Variants in KCNC2 observed in about 807,000 individuals in gnomAD.
KCNC2 encodes the protein voltage-gated potassium channel KCNC2.
KCNC2 carries 21 observed loss-of-function variants against 44.5 expected under a neutral mutation model. The observed-to-expected ratio is 0.47, with a 90% CI of 0.33 to 0.68. The LOEUF (loss-of-function observed/expected upper bound fraction) is 0.68. KCNC2 is among the 30% of genes least tolerant of loss of function. The pLI is 0.01. For missense variants in KCNC2, 589 were observed against 826.2 expected (o/e 0.71, Z 3.52); for synonymous variants, 391 against 339.1 (o/e 1.15, Z -1.68).
At chr12:75,201,747 CA>C (rs2031295392) in intron 2 of KCNC2, among the ~76,000 whole-genome samples, 1 of 151,846 alleles carries the variant, frequency 6.6e-6, no homozygotes, top group South Asian at 2.1e-4. Context: ...GGCAAAAAAG[CA>C]GTGCTTTTCT....
chr12:75,102,666 T>C (rs939875277), intron 2 of KCNC2, among the ~76,000 whole-genome samples: 1 of 152,088 alleles, frequency 6.6e-6, no homozygotes, highest in Admixed American at 6.6e-5. Context: ...GCATACGTAA[T>C]TCCTAATCAT....
At chr12:75,069,774 G>C (rs1234754862) in intron 2 of KCNC2, among the ~76,000 whole-genome samples, 1 of 152,176 alleles carries the variant, frequency 6.6e-6, no homozygotes. Flanking sequence ...GATAAGTGAA[G>C]CTTTAATTTG....
intron 2 of KCNC2, among the ~76,000 whole-genome samples, chr12:75,199,380 G>A (rs140058156): frequency 6.6e-6 from 1 of 151,802 alleles, no homozygotes; most frequent in African/African-American, 2.4e-5. Context: ...CAAGATGTTG[G>A]TATCATGATC....
At position 75,051,162 on chromosome 12, in the gene KCNC2, G is replaced by A; in HGVS notation, c.843C>T (p.Ala281=). The change falls in exon 3 of 5, where the codon GCC becomes GCT. Residue 281 remains alanine (A), a synonymous_variant. Coordinates refer to ENST00000549446, the MANE Select transcript of KCNC2 (RefSeq NM_139137.4). ...CACACACTCCTTCTACATACGTCAAGGCAGGATCCGTTTCAATTTCATACT... is the reference window on the plus strand; with the variant it reads ...CACACACTCCTTCTACATACGTCAAAGCAGGATCCGTTTCAATTTCATACT... The part of the protein sequence containing the change: ...VLQYEIETDP[A]LTYVEGVCVV... 6.2e-7 allele frequency: 1 copy of A among 1,613,744 alleles called. No homozygotes were observed.
chr12:75,208,739 G>GAA (rs958425145), intron 1 of KCNC2, among the ~76,000 whole-genome samples: 2 of 149,202 alleles, frequency 1.3e-5, no homozygotes, highest in South Asian at 2.1e-4. Flanking sequence ...AGAAGTCAGA[G>GAA]AAAAAAAAAA....
chr12:75,134,504 A>G lies in KCNC2; in HGVS notation c.687+72793T>C, dbSNP rs563537583. Among the ~76,000 whole-genome samples, 30 of 151,976 alleles carry G rather than the reference A, an allele frequency of 2.0e-4. No homozygotes were observed. In the South Asian group the frequency reaches 2.1e-3, roughly 10 times the overall value. Reference sequence around the variant, plus strand: ...GAAAATAAGCAGAGATATCTTTGTGATAAATTAAATTGATTAAGTGTGTAA... The same window carrying G: ...GAAAATAAGCAGAGATATCTTTGTGGTAAATTAAATTGATTAAGTGTGTAA... On this transcript the variant is annotated intron_variant, in intron 2 of 4. Transcript: ENST00000549446.
chr12:75,074,232 ATT>A (rs5799196), intron 2 of KCNC2, among the ~76,000 whole-genome samples: 36,032 of 95,202 alleles, frequency 0.38, 6,762 homozygotes, highest in Non-Finnish European at 0.52. Flanking sequence ...CTACTCATAG[ATT>A]TTTTTTTTTT....
intron 2 of KCNC2, among the ~76,000 whole-genome samples, chr12:75,073,986 T>C (rs1246194614): frequency 1.3e-5 from 2 of 152,198 alleles, no homozygotes; most frequent in Admixed American, 6.5e-5. Flanking sequence ...CACTTGATCA[T>C]TCTCTTTTAT....
chr12:75,055,484 A>C (rs980830813), intron 2 of KCNC2, among the ~76,000 whole-genome samples: 6 of 152,062 alleles, frequency 3.9e-5, no homozygotes, highest in Non-Finnish European at 8.8e-5. Flanking sequence ...TTTCCCTGTG[A>C]TAAGACCAAA....
chr12:75,094,885 A>G (rs1885793121), intron 2 of KCNC2, among the ~76,000 whole-genome samples: 1 of 151,866 alleles, frequency 6.6e-6, no homozygotes, highest in African/African-American at 2.4e-5. Context: ...AAATGATGTC[A>G]CAATAAGGTA....
In KCNC2 at chr12:75,042,844, A is replaced by G; in HGVS notation, c.*261T>C. On this transcript the variant is annotated 3_prime_UTR_variant, in exon 5 of 5. Transcript: ENST00000549446. The stretch of plus-strand genomic sequence containing the variant: ...ATTAGTGCACTGGTCAATATCTGAC[A>G]CTATCTGTCATTTTATTGCAAAAGG... The G allele has an allele frequency of 7.8e-7, 1 of 1,286,526 alleles. No individual in the cohort carries two copies. Among genetic ancestry groups the G allele is most frequent in the Non-Finnish European group, 9.8e-7 (1 of 1,016,490 alleles). 79.7% of individuals were successfully genotyped at this position (1,286,526 alleles called of 1,614,324 possible).
chr12:75,134,389 A>C (rs535355689), intron 2 of KCNC2, among the ~76,000 whole-genome samples: 1 of 152,076 alleles, frequency 6.6e-6, no homozygotes, highest in South Asian at 2.1e-4. Flanking sequence ...TCTTTATAAC[A>C]CAAAAGGCAT....
intron 2 of KCNC2, among the ~76,000 whole-genome samples, chr12:75,175,734 A>C (rs1465212042): frequency 1.3e-5 from 2 of 152,056 alleles, no homozygotes; most frequent in Non-Finnish European, 2.9e-5. Flanking sequence ...CAGGAAATAA[A>C]ACTTTCTTAT....
intron 2 of KCNC2, 96 bp from the exon 3 acceptor site, chr12:75,051,413 G>T (rs903325662): frequency 1.7e-5 from 12 of 711,708 alleles, no homozygotes; most frequent in Non-Finnish European, 2.3e-5. Context: ...AAATAAAAAA[G>T]AATAACAGCA....
intron 4 of KCNC2, chr12:75,043,890 T>A: frequency 1.1e-6 from 1 of 886,092 alleles, no homozygotes; most frequent in Non-Finnish European, 1.6e-6. Context: ...GTGAAATAAG[T>A]TTGAATTTGA....
At chr12:75,048,835 T>G (rs1880847958) in intron 3 of KCNC2, among the ~76,000 whole-genome samples, 1 of 152,162 alleles carries the variant, frequency 6.6e-6, no homozygotes, top group African/African-American at 2.4e-5. Context: ...GTAGTCAATT[T>G]TGAAGCGGCA....
chr12:75,123,258 C>T (rs1458603), intron 2 of KCNC2, among the ~76,000 whole-genome samples: 22,819 of 152,078 alleles, frequency 0.15, 2,033 homozygotes, highest in Middle Eastern at 0.27. Context: ...AGCCTAAAGA[C>T]TCAGCTAGTT....
intron 2 of KCNC2, among the ~76,000 whole-genome samples, chr12:75,082,239 T>G (rs1224659956): frequency 1.3e-5 from 2 of 151,832 alleles, no homozygotes; most frequent in Non-Finnish European, 2.9e-5. Context: ...AAATTAAAGA[T>G]GTATAAGAAG....
At chr12:75,144,771 A>C (rs1277430911) in intron 2 of KCNC2, among the ~76,000 whole-genome samples, 1 of 152,104 alleles carries the variant, frequency 6.6e-6, no homozygotes, top group African/African-American at 2.4e-5. Flanking sequence ...TCACTGGGCC[A>C]TCAAAATTCC....
Sources: allele counts gnomAD v4.1 joint callset (sites outside exome capture counted in the v4.1 genomes callset), GRCh38; gene constraint gnomAD v4.1.1; transcripts MANE v1.5; gene names NCBI Gene and HGNC (gene_info 2026-07-23, HGNC 2026-07-21).